HEPACAM2: variants seen among roughly 807,000 people sequenced by gnomAD.
The protein encoded by HEPACAM2 is HEPACAM family member 2.
A neutral mutation model predicts 49.6 loss-of-function variants in HEPACAM2; 49 were observed. The observed-to-expected ratio is 0.99, with a 90% CI of 0.78 to 1.25. HEPACAM2 has a LOEUF of 1.25. Among genes scored for constraint, HEPACAM2 ranks in the 50% most tolerant of loss-of-function variants. The pLI is 0.00. For missense variants in HEPACAM2, 525 were observed against 557.2 expected, an observed-to-expected ratio of 0.94 and a Z score of 0.58; for synonymous variants, 197 against 202.9, an observed-to-expected ratio of 0.97 and a Z score of 0.25.
In HEPACAM2 at chr7:93,189,134, G is replaced by T; in HGVS notation, c.*133C>A. ...TTGCATAAATGCCTCTATTCTGCAT[G>T]TAAAGGAATAATGAGTAAGAGGTGT... On this transcript the variant is annotated 3_prime_UTR_variant, in exon 10 of 10. Coordinates refer to ENST00000394468, the MANE Select transcript of HEPACAM2 (RefSeq NM_001039372.4). The T allele has an allele frequency of 1.4e-6, 1 of 714,806 alleles. No individual in the cohort carries two copies. 44.3% of individuals were successfully genotyped at this position (714,806 alleles called of 1,614,324 possible).
At chr7:93,203,341 A>C (rs1220457564) in intron 4 of HEPACAM2, among the ~76,000 whole-genome samples, 1 of 152,130 alleles carries the variant, frequency 6.6e-6, no homozygotes, top group Non-Finnish European at 1.5e-5. Context: ...AAATATGTAA[A>C]GGATCAAATC....
upstream of HEPACAM2, among the ~76,000 whole-genome samples, chr7:93,228,375 A>G (rs1398785740): frequency 2.0e-5 from 3 of 152,192 alleles, no homozygotes; most frequent in African/African-American, 4.8e-5. Context: ...ATTGAAATAT[A>G]ATACGGCACA....
At chr7:93,201,780 A>G (rs1793890244) in intron 4 of HEPACAM2, among the ~76,000 whole-genome samples, 2 of 152,046 alleles carry the variant, frequency 1.3e-5, no homozygotes, top group Non-Finnish European at 1.5e-5. Context: ...GTTTGGTGAA[A>G]CTCACATCTC....
rs1041965147 is a variant in HEPACAM2, at chr7:93,197,483, A to T, written c.1138+2T>A. On this transcript the variant is annotated splice_donor_variant, in intron 5 of 9. Coordinates refer to ENST00000394468, the MANE Select transcript of HEPACAM2 (RefSeq NM_001039372.4). LOFTEE classifies it high-confidence loss of function. ...AATTTTTTTTTTGTAATTTTAACCT[A>T]CCTTTGTAGGGTTGATATTTTTTCC... The T allele has an allele frequency of 1.3e-6, 2 of 1,586,400 alleles. No individual in the cohort carries two copies. The highest frequency in any genetic ancestry group is 8.6e-7 in the Non-Finnish European group (1 of 1,166,486).
intron 1 of HEPACAM2, among the ~76,000 whole-genome samples, chr7:93,224,675 T>C (rs759442182): frequency 6.6e-6 from 1 of 152,194 alleles, no homozygotes; most frequent in East Asian, 1.9e-4. Flanking sequence ...CCGGTTTCAT[T>C]GTATTGAATA....
At chr7:93,192,160 A>ATTT in intron 9 of HEPACAM2, 94 bp downstream of exon 9, 3 of 808,158 alleles carry the variant, frequency 3.7e-6, no homozygotes, top group Non-Finnish European at 5.9e-6. Flanking sequence ...TTGTTTTGGT[A>ATTT]TTTTTCTTCT....
intron 2 of HEPACAM2, among the ~76,000 whole-genome samples, chr7:93,216,515 C>G (rs1182869292): frequency 3.9e-5 from 6 of 152,160 alleles, no homozygotes. Context: ...AATATTTGCT[C>G]TCTGAATTTT....
chr7:93,197,577 A>G lies in HEPACAM2; in HGVS notation c.1046T>C (p.Leu349Ser). The change falls in exon 5 of 10, where the codon TTG (leucine) becomes TCG (serine). Residue 349 changes from leucine to serine, a missense_variant. Physicochemically the swap from Leu to Ser is moderately radical, Grantham distance 145. Coordinates refer to ENST00000394468, the MANE Select transcript of HEPACAM2 (RefSeq NM_001039372.4). ...LEKLAQKGKS[L>S]SPLASITGIS... ...TCCAGTTATACTTGCTAAAGGTGAC[A>G]ATGATTTTCCTTTCTGTGCAAGCTT... is the stretch of plus-strand genomic sequence containing the variant. The G allele has an allele frequency of 6.3e-7, 1 of 1,599,412 alleles. No individual in the cohort carries two copies. Among genetic ancestry groups the G allele is most frequent in the Non-Finnish European group, 8.5e-7 (1 of 1,171,830 alleles).
intron 7 of HEPACAM2, among the ~76,000 whole-genome samples, chr7:93,196,877 A>C (rs1286650256): frequency 1.3e-5 from 2 of 152,172 alleles, no homozygotes; most frequent in Non-Finnish European, 2.9e-5. Context: ...TTAGGAATGA[A>C]CAAAGTGATA....
At chr7:93,201,241 A>G (rs552071680) in intron 4 of HEPACAM2, among the ~76,000 whole-genome samples, 8 of 152,218 alleles carry the variant, frequency 5.3e-5, no homozygotes, top group South Asian at 4.1e-4. Context: ...ACCTTTCAGT[A>G]TCTTCATACA....
At chr7:93,198,711 C>T (rs1793798330) in intron 4 of HEPACAM2, among the ~76,000 whole-genome samples, 1 of 152,016 alleles carries the variant, frequency 6.6e-6, no homozygotes, top group Admixed American at 6.6e-5. Flanking sequence ...GATGCCATTT[C>T]CATTCAGCAA....
chr7:93,205,438 G>A (rs1390676601), intron 4 of HEPACAM2: 3 of 152,000 alleles, frequency 2.0e-5, no homozygotes, highest in African/African-American at 7.2e-5. Flanking sequence ...TGGCTTCCAC[G>A]TTTTATTGCT....
rs1793462099 is a variant in HEPACAM2 at position 93,188,824 on chromosome 7, A to G, written c.*443T>C. The G allele has an allele frequency of 5.1e-6, 2 of 390,566 alleles. No individual in the cohort carries two copies. The highest frequency in any genetic ancestry group is 8.9e-5 in the Admixed American group (2 of 22,544). 24.2% of individuals were successfully genotyped at this position (390,566 alleles called of 1,614,324 possible). A position where few individuals can be genotyped will look rare whatever the true frequency, so the allele number is the denominator to read the frequency against. ...GAAACATAAATTTAGCATTCTTAAC[A>G]CTAATAAAAATTTAATAAAACAAAG... On this transcript the variant is annotated 3_prime_UTR_variant, in exon 10 of 10. Transcript: ENST00000394468.
At chr7:93,226,483 A>G (rs373429141), upstream of HEPACAM2, 2 of 1,505,740 alleles carry the variant, frequency 1.3e-6, no homozygotes, top group Non-Finnish European at 1.8e-6. Flanking sequence ...AACTTGGACC[A>G]GCAGCTGCTG....
In HEPACAM2 at chr7:93,217,876, CTGTGTG is replaced by C. The variant is rs138044928; in HGVS notation, c.430+1219_430+1224del. ...TTCTATTTTCTCTGAGCATGTGTGT[CTGTGTG>C]TGTGTGTGTGTGTGTGTGTGTGTGT... On this transcript the variant is annotated intron_variant, in intron 2 of 9. Coordinates refer to ENST00000394468, the MANE Select transcript of HEPACAM2 (RefSeq NM_001039372.4). 7.9e-3 allele frequency among the ~76,000 whole-genome samples: 1,100 copies of C among 140,108 alleles called. 9 individuals carry two copies. Among genetic ancestry groups the C allele is most frequent in the East Asian group, 0.017 (77 of 4,616 alleles). The allele number at this position is 140,108 out of a possible 152,430, so 91.9% of individuals were successfully genotyped here.
At chr7:93,222,778 C>G (rs910781890) in intron 1 of HEPACAM2, among the ~76,000 whole-genome samples, 42 of 152,088 alleles carry the variant, frequency 2.8e-4, no homozygotes, top group African/African-American at 9.2e-4. Flanking sequence ...TATTGACAAC[C>G]TGAGGTGCTT....
At chr7:93,197,697 C>T (rs1793770068) in intron 4 of HEPACAM2, 87 bp from the exon 5 acceptor site, 1 of 933,186 alleles carries the variant, frequency 1.1e-6, no homozygotes. Context: ...AAATGAGACG[C>T]TATTGAAAAA....
intron 9 of HEPACAM2, 115 bp downstream of exon 9, chr7:93,192,139 G>A: frequency 1.5e-6 from 1 of 663,784 alleles, no homozygotes. Context: ...ATGTACAGAA[G>A]CTATAATTTC....
chr7:93,193,931 C>T (rs1052659500), intron 8 of HEPACAM2, among the ~76,000 whole-genome samples: 13 of 152,238 alleles, frequency 8.5e-5, no homozygotes, highest in Non-Finnish European at 1.5e-4. Flanking sequence ...TCCTCCTCCT[C>T]ATGTCCCTGT....
Sources: gnomAD v4.1 joint callset for allele counts (sites outside exome capture counted in the v4.1 genomes callset) on GRCh38, gnomAD v4.1.1 for gene constraint, MANE v1.5 for transcripts, NCBI Gene and HGNC (gene_info 2026-07-23, HGNC 2026-07-21) for gene names.